Variants in PTP4A2 observed in about 807,000 individuals in gnomAD.
PTP4A2 encodes protein tyrosine phosphatase type IVA 2.
Under a neutral mutation model 22.9 loss-of-function variants are expected in PTP4A2, and 2 were observed. The ratio of observed to expected loss-of-function variants is 0.09; its 90% CI spans 0.04 to 0.27. PTP4A2 has a LOEUF of 0.27. Ranked by LOEUF, PTP4A2 falls within the 10% of genes least tolerant of loss-of-function variation. The probability of loss-of-function intolerance (pLI) is 1.00; values close to 1 mark genes in which losing one functional copy is unlikely to be tolerated. For synonymous variants in PTP4A2, 68 were observed against 69.1 expected, an observed-to-expected ratio of 0.98 and a Z score of 0.08; for missense variants, 103 against 205.1, an observed-to-expected ratio of 0.50 and a Z score of 3.04.
At chr1:31,909,992 A>G in intron 5 of PTP4A2, 46 bp downstream of exon 5, 1 of 1,500,682 alleles carries the variant, frequency 6.7e-7, no homozygotes, top group Non-Finnish European at 9.2e-7. Context: ...TTCCTCATGC[A>G]TGATCTTGCT....
chr1:31,916,345 CAAAAAAAAAAAAAAAAA>C (rs1167002913), intron 2 of PTP4A2, among the ~76,000 whole-genome samples: 3 of 35,446 alleles, frequency 8.5e-5, no homozygotes, highest in Admixed American at 7.4e-4. Context: ...ACTCCGTCTC[CAAAAAAAAAAAAAAAAA>C]AAAAAAAAAA....
At chr1:31,917,720 A>G (rs1430976739) in intron 2 of PTP4A2, among the ~76,000 whole-genome samples, 1 of 152,216 alleles carries the variant, frequency 6.6e-6, no homozygotes, top group Non-Finnish European at 1.5e-5. Flanking sequence ...TCACGCCTGT[A>G]ATCCCAGCAT....
At chr1:31,921,701 A>G (rs1383465476) in intron 1 of PTP4A2, 2 of 152,212 alleles carry the variant, frequency 1.3e-5, no homozygotes, top group East Asian at 3.8e-4. Flanking sequence ...TCTAAAAAAT[A>G]GCTGTAACCA....
In PTP4A2 at chr1:31,927,836, C is replaced by A. The variant is rs138151126; in HGVS notation, c.-593-8178G>T. On this transcript the variant is annotated intron_variant, in intron 1 of 5. Coordinates refer to ENST00000647444, the MANE Select transcript of PTP4A2 (RefSeq NM_080391.4). ...ACAATAGATTGTAAAATCTTCTCAA[C>A]CATCAAAGTAGTAGGGAAAGTCCTC... Among the ~76,000 whole-genome samples, 1,047 of 152,182 alleles carry A rather than the reference C, an allele frequency of 6.9e-3. 11 individuals carry two copies. Among genetic ancestry groups the A allele is most frequent in the African/African-American group, 0.023 (947 of 41,502 alleles).
Position 31,911,889 on chromosome 1 carries a change from G to C in PTP4A2, c.190-63C>G. 6 of 1,325,758 alleles carry C rather than the reference G, an allele frequency of 4.5e-6. No homozygotes were observed. In the South Asian group the frequency reaches 8.9e-5, roughly 20 times the overall value. 82.1% of individuals were successfully genotyped at this position (1,325,758 alleles called of 1,614,324 possible). A position where few individuals can be genotyped will look rare whatever the true frequency, so the allele number is the denominator to read the frequency against. The stretch of plus-strand genomic sequence containing the variant: ...TCTCCATGATTAACATCCTAATACA[G>C]AATACCTGCACACAGTACACACGGC... On this transcript the variant is annotated intron_variant, in intron 3 of 5. Transcript: ENST00000647444.
At chr1:31,924,687 T>A (rs578016860) in intron 1 of PTP4A2, among the ~76,000 whole-genome samples, 1 of 152,356 alleles carries the variant, frequency 6.6e-6, no homozygotes, top group African/African-American at 2.4e-5. Context: ...ACTTGACATA[T>A]AACAGTGGTA....
chr1:31,923,739 G>A lies in PTP4A2; in HGVS notation c.-593-4081C>T, dbSNP rs188531662. 1.8e-3 allele frequency among the ~76,000 whole-genome samples: 268 copies of A among 152,236 alleles called. 1 individual carries two copies. The highest frequency in any genetic ancestry group is 6.3e-3 in the African/African-American group (260 of 41,544). On this transcript the variant is annotated intron_variant, in intron 1 of 5. Transcript: ENST00000647444. ...ACGGGGGCCTTGCTATGTTGCCCAGGCTGGTCTAAAACTCCTGGGCTCAAG... is the reference window on the plus strand; with the variant it reads ...ACGGGGGCCTTGCTATGTTGCCCAGACTGGTCTAAAACTCCTGGGCTCAAG...
intron 1 of PTP4A2, chr1:31,931,156 C>A (rs1197905659): frequency 6.6e-6 from 1 of 152,178 alleles, no homozygotes; most frequent in African/African-American, 2.4e-5. Flanking sequence ...GAAGAATCAA[C>A]GTGGGTGAAA....
intron 1 of PTP4A2, among the ~76,000 whole-genome samples, chr1:31,922,598 C>CT (rs1268111156): frequency 2.5e-5 from 2 of 79,218 alleles, no homozygotes; most frequent in Admixed American, 1.1e-4. Flanking sequence ...TTCTTTCTTT[C>CT]TTTCTTTCTT....
chr1:31,934,962 A>C (rs1458370042), intron 1 of PTP4A2, among the ~76,000 whole-genome samples: 1 of 152,250 alleles, frequency 6.6e-6, no homozygotes, highest in East Asian at 1.9e-4. Context: ...CTAAAATGCC[A>C]GCCTTTTCCA....
At position 31,908,149 on chromosome 1, in the gene PTP4A2, TATATATATA is replaced by T. The variant is rs1651307691; in HGVS notation, c.*694_*702del. The T allele has an allele frequency of 1.2e-3, 1 of 840 alleles. No individual in the cohort carries two copies. The highest frequency in any genetic ancestry group is 3.2e-3 in the Non-Finnish European group (1 of 310). 0.1% of individuals were successfully genotyped at this position (840 alleles called of 1,614,324 possible). On this transcript the variant is annotated 3_prime_UTR_variant, in exon 6 of 6. Coordinates refer to ENST00000647444, the MANE Select transcript of PTP4A2 (RefSeq NM_080391.4). ...ATATATATATATTATATTATATATATATATATATATATATATATATATATATATATATAT... is the reference window on the plus strand; with the variant it reads ...ATATATATATATTATATTATATATATTATATATATATATATATATATATAT...
At chr1:31,926,718 A>C (rs577457209) in intron 1 of PTP4A2, among the ~76,000 whole-genome samples, 5 of 152,316 alleles carry the variant, frequency 3.3e-5, no homozygotes, top group African/African-American at 9.6e-5. Context: ...CAATAAGCAA[A>C]ACAAAAATTT....
At chr1:31,937,851 C>G (rs1653014363) in intron 1 of PTP4A2, 136 bp downstream of exon 1, 2 of 152,616 alleles carry the variant, frequency 1.3e-5, no homozygotes, top group African/African-American at 4.8e-5. Flanking sequence ...CCCTCGCTCC[C>G]CCGCCCCGGC....
chr1:31,912,686 T>A (rs576268634), intron 3 of PTP4A2, among the ~76,000 whole-genome samples: 1 of 152,304 alleles, frequency 6.6e-6, no homozygotes, highest in East Asian at 1.9e-4. Context: ...CCTCCTGCCA[T>A]CTAAGCTTCA....
intron 1 of PTP4A2, among the ~76,000 whole-genome samples, chr1:31,920,689 C>G (rs1652102247): frequency 6.6e-6 from 1 of 151,688 alleles, no homozygotes; most frequent in African/African-American, 2.4e-5. Flanking sequence ...AGGTGCCCAC[C>G]ACCACACCTG....
chr1:31,918,713 A>G (rs562498834), intron 2 of PTP4A2, among the ~76,000 whole-genome samples: 8 of 152,348 alleles, frequency 5.3e-5, no homozygotes, highest in Middle Eastern at 6.8e-3. Context: ...GTTAATTATC[A>G]TTACTGAATG....
intron 4 of PTP4A2, 69 bp downstream of exon 4, chr1:31,911,627 T>C (rs1651537430): frequency 2.1e-6 from 3 of 1,408,036 alleles, no homozygotes; most frequent in East Asian, 5.1e-5. Flanking sequence ...TCTACCAAAG[T>C]GAAACTTTCA....
At chr1:31,914,457 C>A in intron 3 of PTP4A2, 1 of 327,978 alleles carries the variant, frequency 3.0e-6, no homozygotes, top group Middle Eastern at 4.0e-4. Flanking sequence ...TATAAGAGGA[C>A]TGCCTTACCA....
rs191203684 is a variant in PTP4A2 at position 31,936,089 on chromosome 1, G to A, written c.-594+1898C>T. Reference sequence around the variant, plus strand: ...CAGGTATGAGCCAGCTTGCCCAGCCGAAAAATATAATTTCTAACTTTTAAT... The same window carrying A: ...CAGGTATGAGCCAGCTTGCCCAGCCAAAAAATATAATTTCTAACTTTTAAT... On this transcript the variant is annotated intron_variant, in intron 1 of 5. Transcript: ENST00000647444. 3.5e-3 allele frequency among the ~76,000 whole-genome samples: 535 copies of A among 151,500 alleles called. 3 individuals are homozygous for A. Among genetic ancestry groups the A allele is most frequent in the African/African-American group, 0.012 (489 of 41,344 alleles).
Sources: gnomAD v4.1 joint callset for allele counts (sites outside exome capture counted in the v4.1 genomes callset) on GRCh38, gnomAD v4.1.1 for gene constraint, MANE v1.5 for transcripts, NCBI Gene and HGNC (gene_info 2026-07-23, HGNC 2026-07-21) for gene names.